The following PTPN4 variants were observed in gnomAD, a reference collection of about 807,000 sequenced individuals.
The protein encoded by PTPN4 is protein tyrosine phosphatase non-receptor type 4.
A neutral mutation model predicts 135.5 loss-of-function variants in PTPN4; 49 were observed. The ratio of observed to expected loss-of-function variants is 0.36; its 90% CI spans 0.29 to 0.46. The LOEUF is 0.46. PTPN4 is among the 20% of genes least tolerant of loss of function. The pLI, the probability that PTPN4 is intolerant of heterozygous loss-of-function variation, is 1.00. For missense variants in PTPN4, 860 were observed against 1,101.0 expected (o/e 0.78, Z 3.10); for synonymous variants, 333 against 369.9 (o/e 0.90, Z 1.14).
intron 1 of PTPN4, among the ~76,000 whole-genome samples, chr2:119,806,855 G>T (rs193109227): frequency 6.2e-4 from 95 of 152,232 alleles, no homozygotes; most frequent in Non-Finnish European, 1.1e-3. Context: ...AAATGTAAAA[G>T]AACAGAAATC....
chr2:119,933,540 C>A lies in PTPN4; in HGVS notation c.1196+991C>A, dbSNP rs556578884. Among the ~76,000 whole-genome samples the A allele has an allele frequency of 3.2e-4, 49 of 151,568 alleles. No homozygotes were observed. In the South Asian group the frequency reaches 0.01, roughly 32 times the overall value. ...CAAAAACATACAAAAATTAGCTGAG[C>A]ATGGTGGCGTGCACCTGTCAGGGGG... On this transcript the variant is annotated intron_variant, in intron 14 of 26. Transcript: ENST00000263708.
chr2:119,889,577 TG>T (rs1489254199), intron 9 of PTPN4, among the ~76,000 whole-genome samples: 3 of 152,172 alleles, frequency 2.0e-5, no homozygotes, highest in African/African-American at 7.2e-5. Context: ...ACCAACTTTT[TG>T]TTTCATTTAT....
intron 9 of PTPN4, among the ~76,000 whole-genome samples, chr2:119,886,735 T>G (rs1678159836): frequency 6.6e-6 from 1 of 152,204 alleles, no homozygotes; most frequent in Non-Finnish European, 1.5e-5. Context: ...GGTACACAGA[T>G]AGTTGTTGAA....
chr2:119,837,659 A>G (rs1677315895), intron 2 of PTPN4, among the ~76,000 whole-genome samples: 1 of 152,230 alleles, frequency 6.6e-6, no homozygotes, highest in South Asian at 2.1e-4. Flanking sequence ...AGGAGAGAAG[A>G]GCTGCAGCCC....
intron 2 of PTPN4, among the ~76,000 whole-genome samples, chr2:119,822,362 C>G (rs901675534): frequency 1.2e-4 from 16 of 130,434 alleles, no homozygotes; most frequent in South Asian, 6.4e-4. Context: ...CCCTCCCCCC[C>G]CCTTTTTTTT....
At chr2:119,764,428 A>G (rs994499316) in intron 1 of PTPN4, among the ~76,000 whole-genome samples, 1 of 152,186 alleles carries the variant, frequency 6.6e-6, no homozygotes, top group Non-Finnish European at 1.5e-5. Flanking sequence ...TAAAAAGAAA[A>G]TAGTCTTGTT....
At chr2:119,875,200 C>T (rs1677967430) in intron 3 of PTPN4, among the ~76,000 whole-genome samples, 1 of 152,082 alleles carries the variant, frequency 6.6e-6, no homozygotes, top group South Asian at 2.1e-4. Context: ...ACAATGAATG[C>T]TATTTTTACC....
chr2:119,790,371 T>A (rs1476707395), intron 1 of PTPN4, among the ~76,000 whole-genome samples: 1 of 152,176 alleles, frequency 6.6e-6, no homozygotes, highest in Non-Finnish European at 1.5e-5. Context: ...TAGATGTATT[T>A]TGGGACGTTG....
At chr2:119,881,607 G>T (rs1446417940) in intron 5 of PTPN4, among the ~76,000 whole-genome samples, 179 bp from the exon 6 acceptor site, 1 of 152,118 alleles carries the variant, frequency 6.6e-6, no homozygotes, top group Non-Finnish European at 1.5e-5. Flanking sequence ...GAGTTTTAAA[G>T]ATTTAGATTC....
chr2:119,780,991 A>C (rs1690926376), intron 1 of PTPN4, among the ~76,000 whole-genome samples: 1 of 152,200 alleles, frequency 6.6e-6, no homozygotes, highest in South Asian at 2.1e-4. Flanking sequence ...CTCACTTAAA[A>C]ACATTAGCAT....
chr2:119,773,172 A>G (rs923550477), intron 1 of PTPN4, among the ~76,000 whole-genome samples: 12 of 152,136 alleles, frequency 7.9e-5, no homozygotes, highest in Admixed American at 7.2e-4. Context: ...TAGGGTGAAT[A>G]GTTTTTCTTA....
intron 15 of PTPN4, among the ~76,000 whole-genome samples, chr2:119,940,356 A>G (rs1394984804): frequency 2.6e-5 from 4 of 152,230 alleles, no homozygotes; most frequent in African/African-American, 9.6e-5. Flanking sequence ...TAATATAAGT[A>G]GAGTATAAGT....
intron 1 of PTPN4, among the ~76,000 whole-genome samples, chr2:119,790,111 A>AT (rs1691118228): frequency 6.6e-6 from 1 of 152,024 alleles, no homozygotes; most frequent in Non-Finnish European, 1.5e-5. Flanking sequence ...TTTACTGATG[A>AT]TTTTTTATGG....
chr2:119,926,478 C>G (rs114505813), intron 12 of PTPN4, 120 bp from the exon 13 acceptor site: 2 of 596,076 alleles, frequency 3.4e-6, no homozygotes, highest in African/African-American at 1.9e-5. Context: ...TCTCTGCTTC[C>G]TTTTCTCTGC....
At chr2:119,813,399 C>T (rs1426678860) in intron 2 of PTPN4, among the ~76,000 whole-genome samples, 1 of 152,074 alleles carries the variant, frequency 6.6e-6, no homozygotes, top group Non-Finnish European at 1.5e-5. Context: ...AGGCATGTGC[C>T]ACCATGCCTG....
chr2:119,768,111 A>G (rs1016338219), intron 1 of PTPN4, among the ~76,000 whole-genome samples: 23 of 152,212 alleles, frequency 1.5e-4, no homozygotes, highest in Admixed American at 4.6e-4. Flanking sequence ...ATTTATATCA[A>G]TATATACTCC....
intron 9 of PTPN4, among the ~76,000 whole-genome samples, chr2:119,887,255 G>A (rs972696755): frequency 2.0e-5 from 3 of 152,274 alleles, no homozygotes; most frequent in South Asian, 2.1e-4. Context: ...TTGGGATGGC[G>A]AGGCAGGAGG....
Position 119,882,165 on chromosome 2 carries a change from T to C in PTPN4, c.466+16T>C. ...GCTGTTCAGTGTAAGTATCAGCCCA[T>C]TTTTAGGTCAAATAGCATATAACTG... On this transcript the variant is annotated intron_variant, in intron 7 of 26. Coordinates refer to ENST00000263708, the MANE Select transcript of PTPN4 (RefSeq NM_002830.4). 1 of 1,590,928 alleles carries C rather than the reference T, an allele frequency of 6.3e-7. No homozygotes were observed. Among genetic ancestry groups the C allele is most frequent in the East Asian group, 2.2e-5 (1 of 44,664 alleles).
chr2:119,774,955 T>C (rs1690803626), intron 1 of PTPN4, among the ~76,000 whole-genome samples: 1 of 151,634 alleles, frequency 6.6e-6, no homozygotes, highest in Non-Finnish European at 1.5e-5. Flanking sequence ...AGGTGGTGGT[T>C]GCAGTGAGCC....
Sources: allele counts gnomAD v4.1 joint callset (sites outside exome capture counted in the v4.1 genomes callset), GRCh38; gene constraint gnomAD v4.1.1; transcripts MANE v1.5; gene names NCBI Gene and HGNC (gene_info 2026-07-23, HGNC 2026-07-21).